MICAL3: variants seen among roughly 807,000 people sequenced by gnomAD.
MICAL3 encodes microtubule associated monooxygenase, calponin and LIM domain containing 3.
Under a neutral mutation model 207.4 loss-of-function variants are expected in MICAL3, and 62 were observed. That is an observed-to-expected ratio of 0.30 (90% CI 0.24 to 0.37). MICAL3 has a LOEUF of 0.37. MICAL3 is among the 10% of genes least tolerant of loss of function. The pLI is 1.00. For missense variants in MICAL3, 2,368 were observed against 2,635.6 expected (o/e 0.90, Z 2.22); for synonymous variants, 1,077 against 1,069.3 (o/e 1.01, Z -0.14).
intron 27 of MICAL3, chr22:17,813,001 A>AG (rs2062064833): frequency 6.6e-6 from 1 of 152,102 alleles, no homozygotes; most frequent in Admixed American, 6.5e-5. Context: ...GCGGGAGGAA[A>AG]GGGGGTCCTG....
chr22:17,850,707 T>C (rs1305450026), intron 19 of MICAL3, among the ~76,000 whole-genome samples: 2 of 152,110 alleles, frequency 1.3e-5, no homozygotes, highest in Non-Finnish European at 2.9e-5. Context: ...CCACCGTGCC[T>C]GGCCGAGTTA....
chr22:17,861,913 T>C (rs1256926271), intron 19 of MICAL3: 6 of 985,272 alleles, frequency 6.1e-6, no homozygotes, highest in East Asian at 1.1e-4. Context: ...CAGGTTGTAA[T>C]TGGGTGTGGG....
Position 17,860,440 on chromosome 22 carries a change from G to A in MICAL3, c.2605+4459C>T, listed in dbSNP as rs1007704519. On this transcript the variant is annotated intron_variant, in intron 19 of 31. Coordinates refer to ENST00000441493, the MANE Select transcript of MICAL3 (RefSeq NM_015241.3). The stretch of plus-strand genomic sequence containing the variant: ...GCTCTCGTACCGCCGCCGGGAAGCC[G>A]GCTGGCTGTCCGCCCCTCCCGCAGG... 34 of 985,312 alleles carry A rather than the reference G, an allele frequency of 3.5e-5. No homozygotes were observed. In the East Asian group the frequency reaches 2.5e-3, roughly 72 times the overall value. 61.0% of individuals were successfully genotyped at this position (985,312 alleles called of 1,614,324 possible).
intron 16 of MICAL3, chr22:17,881,257 G>C: frequency 6.2e-7 from 1 of 1,611,994 alleles, no homozygotes; most frequent in Non-Finnish European, 8.5e-7. Flanking sequence ...AGGAGACAGG[G>C]TGATCACTTT....
intron 11 of MICAL3, among the ~76,000 whole-genome samples, chr22:17,891,998 G>A (rs1930433869): frequency 1.3e-5 from 2 of 152,170 alleles, no homozygotes; most frequent in African/African-American, 2.4e-5. Flanking sequence ...CCGGACAGTC[G>A]CTGGCACCTA....
Position 17,817,659 on chromosome 22 carries a change from T to C in MICAL3, c.5002A>G (p.Thr1668Ala). The C allele has an allele frequency of 1.9e-6, 3 of 1,612,030 alleles. No individual in the cohort carries two copies. Among genetic ancestry groups the C allele is most frequent in the Non-Finnish European group, 2.5e-6 (3 of 1,179,614 alleles). ...SEEPTLKHEA[T>A]SEEVLSPPSD... The stretch of plus-strand genomic sequence containing the variant: ...GGCGGGGAGAGGACCTCCTCGCTGG[T>C]GGCTTCATGCTTCAGGGTGGGCTCC... The change falls in exon 26 of 32, where the codon ACC becomes GCC. Residue 1668 changes from threonine to alanine, a missense_variant. Around this residue, in one of 4 missense-constraint regions of MICAL3, gnomAD observed 1,770 missense variants for 1,863.2 expected, o/e 0.95. Coordinates refer to ENST00000441493, the MANE Select transcript of MICAL3 (RefSeq NM_015241.3).
chr22:17,856,608 C>CTTTTTTTTTTTTTTTTTTTTTTT (rs57588188), intron 19 of MICAL3, among the ~76,000 whole-genome samples: 1 of 94,882 alleles, frequency 1.1e-5, no homozygotes, highest in Non-Finnish European at 1.9e-5. Flanking sequence ...AAAATGTTTA[C>CTTTTTTTTTTTTTTTTTTTTTTT]TTTTTTTTTT....
intron 29 of MICAL3, among the ~76,000 whole-genome samples, chr22:17,805,887 C>A (rs1396479579): frequency 2.0e-5 from 3 of 152,200 alleles, no homozygotes; most frequent in Admixed American, 6.5e-5. Flanking sequence ...TACCACCATG[C>A]CAGGCTAATT....
chr22:17,915,656 T>C (rs1932448823), intron 1 of MICAL3, among the ~76,000 whole-genome samples: 1 of 152,022 alleles, frequency 6.6e-6, no homozygotes, highest in Non-Finnish European at 1.5e-5. Context: ...CAAAATACAC[T>C]GCAGTCAAGG....
chr22:17,863,836 A>G, intron 19 of MICAL3: 5 of 985,486 alleles, frequency 5.1e-6, no homozygotes, highest in Non-Finnish European at 6.0e-6. Flanking sequence ...CCCACCATGG[A>G]AATTCTATGA....
At chr22:17,830,050 C>A (rs1026554159) in intron 21 of MICAL3, among the ~76,000 whole-genome samples, 1 of 152,086 alleles carries the variant, frequency 6.6e-6, no homozygotes, top group Non-Finnish European at 1.5e-5. Context: ...AAGGTGGGCA[C>A]GGGGTAAAGT....
At chr22:17,859,382 C>G (rs553020333) in intron 19 of MICAL3, among the ~76,000 whole-genome samples, 1 of 152,340 alleles carries the variant, frequency 6.6e-6, no homozygotes, top group African/African-American at 2.4e-5. Context: ...GAGTGCTTTG[C>G]CCACTACAGC....
intron 19 of MICAL3, among the ~76,000 whole-genome samples, chr22:17,849,869 T>A (rs1925104778): frequency 6.6e-6 from 1 of 151,506 alleles, no homozygotes; most frequent in African/African-American, 2.4e-5. Flanking sequence ...AATTTTTATA[T>A]TTTTAGTACA....
chr22:17,902,074 A>C lies in MICAL3; in HGVS notation c.590-95T>G. 1.2e-6 allele frequency: 1 copy of C among 831,338 alleles called. No homozygotes were observed. Among genetic ancestry groups the C allele is most frequent in the Middle Eastern group, 2.3e-4 (1 of 4,278 alleles). The allele number at this position is 831,338 out of a possible 1,614,324, so 51.5% of individuals were successfully genotyped here. On this transcript the variant is annotated intron_variant, in intron 4 of 31. Transcript: ENST00000441493. This position sits in a 1 kb window ranked among gnomAD's most constrained non-coding sequence, Gnocchi z 4.5. ...TACCCAGTCATGTGAACTGCACAAA[A>C]CCCTGGGCCAAAAACACTATGTGTA...
At chr22:17,866,050 C>T in intron 17 of MICAL3, 38 bp from the exon 18 acceptor site, 3 of 1,507,886 alleles carry the variant, frequency 2.0e-6, no homozygotes, top group East Asian at 2.3e-5. Context: ...GGCGATGAGC[C>T]AGGCACGGAT....
chr22:17,866,829 A>G (rs1927210304), intron 17 of MICAL3, among the ~76,000 whole-genome samples: 1 of 152,224 alleles, frequency 6.6e-6, no homozygotes, highest in African/African-American at 2.4e-5. Flanking sequence ...GGCTTTTCCC[A>G]TGACTCTGGT....
At chr22:17,937,659 G>T (rs112971057) in intron 1 of MICAL3, among the ~76,000 whole-genome samples, 4 of 152,152 alleles carry the variant, frequency 2.6e-5, no homozygotes, top group African/African-American at 9.7e-5. Flanking sequence ...GTGAAACTCC[G>T]TCTCAAAATA....
intron 1 of MICAL3, among the ~76,000 whole-genome samples, chr22:17,938,318 C>A (rs1933642593): frequency 6.6e-6 from 1 of 152,206 alleles, no homozygotes; most frequent in South Asian, 2.1e-4. Flanking sequence ...AAACTAATAC[C>A]TCCATAGGGG....
At chr22:17,961,553 G>T (rs1934915880) in intron 1 of MICAL3, among the ~76,000 whole-genome samples, 1 of 152,014 alleles carries the variant, frequency 6.6e-6, no homozygotes, top group Non-Finnish European at 1.5e-5. Context: ...ACACCCATGG[G>T]ATCTGCTCCC....
Sources: allele counts gnomAD v4.1 joint callset (sites outside exome capture counted in the v4.1 genomes callset), GRCh38; gene constraint gnomAD v4.1.1; regional missense constraint gnomAD v4.1.1; non-coding constraint Gnocchi (gnomAD v3.1); transcripts MANE v1.5; gene names NCBI Gene and HGNC (gene_info 2026-07-23, HGNC 2026-07-21).